Variants in FILIP1 observed in about 807,000 individuals in gnomAD.
FILIP1 encodes the protein filamin A interacting protein 1.
A neutral mutation model predicts 102.1 loss-of-function variants in FILIP1; 61 were observed. That is an observed-to-expected ratio of 0.60 (90% CI 0.49 to 0.74). The LOEUF (loss-of-function observed/expected upper bound fraction) is 0.74, where lower values mean the gene tolerates loss of function less well. Among genes scored for constraint, FILIP1 ranks in the 30% least tolerant of loss-of-function variants. FILIP1 has a pLI of 0.00. For synonymous variants in FILIP1, 491 were observed against 526.9 expected (o/e 0.93, Z 0.93); for missense variants, 1,314 against 1,441.2 (o/e 0.91, Z 1.43).
intron 1 of FILIP1, among the ~76,000 whole-genome samples, chr6:75,460,060 A>C (rs1225306392): frequency 6.6e-6 from 1 of 152,210 alleles, no homozygotes; most frequent in Non-Finnish European, 1.5e-5. Context: ...AGGAGGCCCC[A>C]TAATTCCCTC....
In FILIP1 at chr6:75,431,934, G is replaced by T. The variant is rs533069008; in HGVS notation, c.-6-16956C>A. Among the ~76,000 whole-genome samples the T allele has an allele frequency of 1.4e-4, 21 of 152,268 alleles. No homozygotes were observed. In the East Asian group the frequency reaches 4.0e-3, roughly 29 times the overall value. On this transcript the variant is annotated intron_variant, in intron 1 of 5. Coordinates refer to ENST00000237172, the MANE Select transcript of FILIP1 (RefSeq NM_015687.5). ...CTATGCAAAAGATAGTGACATACAT[G>T]AATTGTCTAAAAATAAAGTTTCTCT...
intron 2 of FILIP1, among the ~76,000 whole-genome samples, chr6:75,409,609 T>C (rs1180998764): frequency 6.6e-6 from 1 of 152,140 alleles, no homozygotes; most frequent in East Asian, 1.9e-4. Context: ...ACTAGGATTA[T>C]GGGAGGGGAC....
At chr6:75,371,227 T>C (rs1390507504) in intron 2 of FILIP1, among the ~76,000 whole-genome samples, 1 of 152,344 alleles carries the variant, frequency 6.6e-6, no homozygotes, top group South Asian at 2.1e-4. Flanking sequence ...TGTGACTTTT[T>C]CTCTCTTTGG....
At chr6:75,320,833 A>C (rs1021855186) in intron 4 of FILIP1, among the ~76,000 whole-genome samples, 2 of 152,216 alleles carry the variant, frequency 1.3e-5, no homozygotes, top group Non-Finnish European at 2.9e-5. Flanking sequence ...CTCAACTGAG[A>C]AACCTCAAAT....
At chr6:75,331,736 A>G (rs1774091335) in intron 4 of FILIP1, among the ~76,000 whole-genome samples, 1 of 152,066 alleles carries the variant, frequency 6.6e-6, no homozygotes, top group African/African-American at 2.4e-5. Flanking sequence ...TTCAGCTCCC[A>G]TTCCTTCACT....
chr6:75,379,408 T>C (rs939625327), intron 2 of FILIP1, among the ~76,000 whole-genome samples: 2 of 152,208 alleles, frequency 1.3e-5, no homozygotes, highest in African/African-American at 4.8e-5. Context: ...AGATGCCTAA[T>C]GGAGACAGAA....
At chr6:75,355,668 G>T (rs1166885173) in intron 3 of FILIP1, among the ~76,000 whole-genome samples, 1 of 152,138 alleles carries the variant, frequency 6.6e-6, no homozygotes, top group Non-Finnish European at 1.5e-5. Context: ...CTCCCAAAGT[G>T]CTGGGATTAC....
chr6:75,372,690 AGAAAGAGAAAGAAAGAAAGAAAG>A, intron 2 of FILIP1, among the ~76,000 whole-genome samples: 1 of 44,906 alleles, frequency 2.2e-5, no homozygotes, highest in South Asian at 7.0e-4. Context: ...AGAAAGAGAA[AGAAAGAGAAAGAAAGAAAGAAAG>A]GAAAGAAAGA....
chr6:75,461,621 T>G (rs759537902), intron 1 of FILIP1, among the ~76,000 whole-genome samples: 22 of 152,166 alleles, frequency 1.4e-4, no homozygotes, highest in Non-Finnish European at 1.5e-4. Context: ...AGACCTACAA[T>G]GTTAGTAGGA....
At position 75,352,439 on chromosome 6, in the gene FILIP1, G is replaced by A. The variant is rs1479682210; in HGVS notation, c.629+1100C>T. 2.0e-5 allele frequency among the ~76,000 whole-genome samples: 3 copies of A among 152,214 alleles called. No homozygotes were observed. The East Asian group carries it at 5.8e-4, about 29-fold the overall frequency. ...AAAGATACTGGGAAAAAAAACAGAT[G>A]GTAAAGAAGAATGTATTATAAAATT... is the stretch of plus-strand genomic sequence containing the variant. On this transcript the variant is annotated intron_variant, in intron 4 of 5. Transcript: ENST00000237172.
At chr6:75,379,548 G>A (rs1775841395) in intron 2 of FILIP1, among the ~76,000 whole-genome samples, 1 of 152,228 alleles carries the variant, frequency 6.6e-6, no homozygotes, top group Non-Finnish European at 1.5e-5. Flanking sequence ...CTCACTCTTA[G>A]GGAAGAAGAA....
At chr6:75,418,987 G>A (rs758455194) in intron 1 of FILIP1, among the ~76,000 whole-genome samples, 7 of 151,720 alleles carry the variant, frequency 4.6e-5, no homozygotes, top group South Asian at 4.2e-4. Context: ...TTTCATCTGC[G>A]TCCCCCCCAC....
At chr6:75,411,190 CAT>C (rs1436810114) in intron 2 of FILIP1, among the ~76,000 whole-genome samples, 2 of 152,196 alleles carry the variant, frequency 1.3e-5, no homozygotes, top group Non-Finnish European at 2.9e-5. Context: ...AGCTATTTAT[CAT>C]ATGTTTGTTG....
At chr6:75,307,635 T>C (rs532552728), downstream of FILIP1, among the ~76,000 whole-genome samples, 4 of 152,294 alleles carry the variant, frequency 2.6e-5, no homozygotes, top group East Asian at 7.7e-4. Flanking sequence ...CACACTCTGC[T>C]TCATGCTTAT....
intron 2 of FILIP1, among the ~76,000 whole-genome samples, chr6:75,367,840 A>T (rs1415198642): frequency 6.6e-6 from 1 of 152,188 alleles, no homozygotes; most frequent in Non-Finnish European, 1.5e-5. Flanking sequence ...GAAACTTGCT[A>T]ATTTTTCTAT....
chr6:75,442,112 G>T (rs1778279056), intron 1 of FILIP1, among the ~76,000 whole-genome samples: 1 of 152,116 alleles, frequency 6.6e-6, no homozygotes, highest in South Asian at 2.1e-4. Flanking sequence ...TCACCTCCCA[G>T]ATGGGGCGGC....
At chr6:75,319,059 A>T (rs1190617565) in intron 4 of FILIP1, 2 of 731,460 alleles carry the variant, frequency 2.7e-6, no homozygotes, top group Non-Finnish European at 4.9e-6. Context: ...CTTCATCTTC[A>T]TCTTCTTCAC....
At chr6:75,449,056 C>A (rs1258479157) in intron 1 of FILIP1, among the ~76,000 whole-genome samples, 2 of 151,938 alleles carry the variant, frequency 1.3e-5, no homozygotes, top group African/African-American at 4.8e-5. Flanking sequence ...TTCGCAATTG[C>A]AAAAAAGATA....
chr6:75,309,004 C>G, intron 5 of FILIP1, 107 bp from the exon 6 acceptor site: 2 of 1,136,028 alleles, frequency 1.8e-6, no homozygotes, highest in Non-Finnish European at 2.5e-6. Flanking sequence ...GGAACACCCA[C>G]AGAAGACCCT....
Sources: gnomAD v4.1 joint callset for allele counts (sites outside exome capture counted in the v4.1 genomes callset) on GRCh38, gnomAD v4.1.1 for gene constraint, MANE v1.5 for transcripts, NCBI Gene and HGNC (gene_info 2026-07-23, HGNC 2026-07-21) for gene names.